The following FYB2 variants were observed in gnomAD, a reference collection of about 807,000 sequenced individuals.
FYB2 encodes the protein FYN-binding protein 2.
Under a neutral mutation model 94.1 loss-of-function variants are expected in FYB2, and 103 were observed. The ratio of observed to expected loss-of-function variants is 1.09; its 90% CI spans 0.93 to 1.29. FYB2 has a LOEUF of 1.29. Among genes scored for constraint, FYB2 ranks in the 50% most tolerant of loss-of-function variants. The probability of loss-of-function intolerance (pLI) is 0.00; values close to 1 mark genes in which losing one functional copy is unlikely to be tolerated. For missense variants in FYB2, 896 were observed against 841.5 expected, an observed-to-expected ratio of 1.06 and a Z score of -0.80; for synonymous variants, 293 against 287.9, an observed-to-expected ratio of 1.02 and a Z score of -0.18.
chr1:56,745,369 C>CA (rs1297586354), intron 9 of FYB2, among the ~76,000 whole-genome samples: 1 of 151,948 alleles, frequency 6.6e-6, no homozygotes, highest in Non-Finnish European at 1.5e-5. Flanking sequence ...CATTCCAAAC[C>CA]AAAATCATAA....
chr1:56,771,591 T>C (rs1645755979), intron 4 of FYB2, among the ~76,000 whole-genome samples: 1 of 152,184 alleles, frequency 6.6e-6, no homozygotes, highest in South Asian at 2.1e-4. Flanking sequence ...TTGCTATAGA[T>C]GCAGTTGAAG....
At position 56,751,108 on chromosome 1, in the gene FYB2, A is replaced by G. The variant is rs1274984397; in HGVS notation, c.1323T>C (p.Ile441=). The change falls in exon 9 of 20, where the codon ATT becomes ATC. Residue 441 remains isoleucine (I), a synonymous_variant. Coordinates refer to ENST00000343433, the MANE Select transcript of FYB2 (RefSeq NM_001004303.5). Reference sequence around the variant, plus strand: ...GGCAGGGATTTGTCTGGATGATGTCAATCATGGCCTCTTGCTTTCCAGCCA... The same window carrying G: ...GGCAGGGATTTGTCTGGATGATGTCGATCATGGCCTCTTGCTTTCCAGCCA... ...NMLAGKQEAM[I]DIIQTNPCPE... is the part of the protein sequence containing the mutation. 1 of 1,612,918 alleles carries G rather than the reference A, an allele frequency of 6.2e-7. No homozygotes were observed. Among genetic ancestry groups the G allele is most frequent in the South Asian group, 1.1e-5 (1 of 91,058 alleles).
At chr1:56,820,497 T>A (rs975576462), upstream of FYB2, among the ~76,000 whole-genome samples, 1 of 152,200 alleles carries the variant, frequency 6.6e-6, no homozygotes, top group African/African-American at 2.4e-5. Flanking sequence ...GCTTTATGTG[T>A]AACCGGTGTG....
chr1:56,733,656 G>T (rs1422587017), intron 15 of FYB2, among the ~76,000 whole-genome samples: 2 of 151,732 alleles, frequency 1.3e-5, no homozygotes, highest in African/African-American at 4.8e-5. Context: ...TGGTTTCAAA[G>T]AACATCTTTA....
Position 56,806,928 on chromosome 1 carries a change from G to T in FYB2, c.9+12354C>A, listed in dbSNP as rs139804191. Reference sequence around the variant, plus strand: ...AAGTTTAACTTAGTTGGCAGCCTGGGGATCACGGCCTGAAGTCAGAATTTA... The same window carrying T: ...AAGTTTAACTTAGTTGGCAGCCTGGTGATCACGGCCTGAAGTCAGAATTTA... On this transcript the variant is annotated intron_variant, in intron 1 of 19. Transcript: ENST00000343433. 1.3e-3 allele frequency among the ~76,000 whole-genome samples: 204 copies of T among 152,262 alleles called. 1 individual carries two copies. The highest frequency in any genetic ancestry group is 4.8e-3 in the African/African-American group (198 of 41,538).
At chr1:56,781,158 A>G (rs144774727) in intron 4 of FYB2, among the ~76,000 whole-genome samples, 1 of 152,346 alleles carries the variant, frequency 6.6e-6, no homozygotes, top group African/African-American at 2.4e-5. Flanking sequence ...TCTGTTGTAC[A>G]TGTACAAAGG....
chr1:56,818,549 G>A (rs116512264), intron 1 of FYB2, among the ~76,000 whole-genome samples: 2,263 of 151,906 alleles, frequency 0.015, 26 homozygotes, highest in Non-Finnish European at 0.024. Flanking sequence ...GGAAATAGAG[G>A]AGAGTGGAGA....
At chr1:56,787,925 A>C (rs1557648872) in intron 3 of FYB2, among the ~76,000 whole-genome samples, 1 of 152,236 alleles carries the variant, frequency 6.6e-6, no homozygotes, top group Non-Finnish European at 1.5e-5. Flanking sequence ...CCATATCAGT[A>C]AAGTATACTT....
At chr1:56,763,766 A>T (rs564031728) in intron 5 of FYB2, among the ~76,000 whole-genome samples, 1 of 149,544 alleles carries the variant, frequency 6.7e-6, no homozygotes, top group African/African-American at 2.5e-5. Context: ...AATTCCACTG[A>T]TTTTCTCTAT....
chr1:56,765,798 A>G (rs1316126402), intron 5 of FYB2, among the ~76,000 whole-genome samples: 1 of 152,040 alleles, frequency 6.6e-6, no homozygotes, highest in African/African-American at 2.4e-5. Context: ...TCTTCTCTCT[A>G]CCTTTCAGAG....
intron 5 of FYB2, among the ~76,000 whole-genome samples, chr1:56,764,917 G>T (rs1215889452): frequency 6.6e-6 from 1 of 152,074 alleles, no homozygotes; most frequent in Non-Finnish European, 1.5e-5. Flanking sequence ...ATCTTTATTG[G>T]GATGCTTGTA....
intron 1 of FYB2, among the ~76,000 whole-genome samples, chr1:56,801,719 T>A (rs1646524631): frequency 6.6e-6 from 1 of 152,198 alleles, no homozygotes; most frequent in Non-Finnish European, 1.5e-5. Flanking sequence ...GCCTTAGCAC[T>A]GTTTCTCTAC....
chr1:56,766,759 A>T (rs981338196), intron 5 of FYB2, among the ~76,000 whole-genome samples: 2 of 152,158 alleles, frequency 1.3e-5, no homozygotes, highest in African/African-American at 4.8e-5. Context: ...TTCTTGAGGG[A>T]GAAGAGGGAA....
At chr1:56,824,495 C>G (rs943346709), upstream of FYB2, 1 of 152,212 alleles carries the variant, frequency 6.6e-6, no homozygotes, top group African/African-American at 2.4e-5. Context: ...TAGCTGATTT[C>G]ACATATGTTG....
chr1:56,742,950 T>C (rs1055681796), intron 11 of FYB2, among the ~76,000 whole-genome samples: 3 of 152,020 alleles, frequency 2.0e-5, no homozygotes, highest in Admixed American at 6.6e-5. Context: ...TATTTTAAAA[T>C]TGACAAATAA....
intron 1 of FYB2, among the ~76,000 whole-genome samples, chr1:56,815,859 T>C (rs943791968): frequency 6.6e-6 from 1 of 152,194 alleles, no homozygotes; most frequent in African/African-American, 2.4e-5. Context: ...AGCTCAAAAA[T>C]GCTACAATTA....
In FYB2 at chr1:56,787,175, C is replaced by T. The variant is rs150549471; in HGVS notation, c.953G>A (p.Arg318Lys). The T allele has an allele frequency of 1.6e-5, 26 of 1,613,968 alleles. No individual in the cohort carries two copies. In the South Asian group the frequency reaches 2.6e-4, roughly 16 times the overall value. ...TVEEGSLSPE[R>K]LFNAEFEEPH... ...ACACAACTAAGGAGCATGTACTTAC[C>T]TCTCTGGAGACAGGGAGCCCTCTTC... is the stretch of plus-strand genomic sequence containing the variant. Residue 318 changes from arginine (R) to lysine (K), a missense_variant and splice_region_variant, in exon 4 of 20, where the codon AGG becomes AAG. Arg to Lys is a conservative substitution (Grantham distance 26). Coordinates refer to ENST00000343433, the MANE Select transcript of FYB2 (RefSeq NM_001004303.5).
chr1:56,749,654 G>A (rs1470652976), intron 9 of FYB2, among the ~76,000 whole-genome samples: 1 of 151,882 alleles, frequency 6.6e-6, no homozygotes, highest in Admixed American at 6.6e-5. Context: ...CTTGTAGGTT[G>A]GTTCTGCTAT....
chr1:56,806,210 G>T (rs1371719087), intron 1 of FYB2, among the ~76,000 whole-genome samples: 1 of 152,204 alleles, frequency 6.6e-6, no homozygotes, highest in East Asian at 1.9e-4. Context: ...CTGTGATGGA[G>T]CAGCACCAGA....
Sources: allele counts gnomAD v4.1 joint callset (sites outside exome capture counted in the v4.1 genomes callset), GRCh38; gene constraint gnomAD v4.1.1; transcripts MANE v1.5; gene names NCBI Gene and HGNC (gene_info 2026-07-23, HGNC 2026-07-21).